The following PHF21B variants were observed in gnomAD, a reference collection of about 807,000 sequenced individuals.
The protein encoded by PHF21B is PHD finger protein 4.
A neutral mutation model predicts 62.2 loss-of-function variants in PHF21B; 22 were observed. The observed-to-expected ratio is 0.35, with a 90% CI of 0.25 to 0.51. The LOEUF (loss-of-function observed/expected upper bound fraction) is 0.51. Among genes scored for constraint, PHF21B ranks in the 20% least tolerant of loss-of-function variants. The pLI, the probability that PHF21B is intolerant of heterozygous loss-of-function variation, is 0.97. For synonymous variants in PHF21B, 341 were observed against 314.7 expected (o/e 1.08, Z -0.88); for missense variants, 701 against 707.9 (o/e 0.99, Z 0.11).
Position 45,009,023 on chromosome 22 carries a change from C to A in PHF21B, c.55-413G>T. Reference sequence around the variant, plus strand: ...AAGTCGCGTCCTAATCTCCCCAACACACACACGCGCACGCCGAGCCCCGCT... The same window carrying A: ...AAGTCGCGTCCTAATCTCCCCAACAAACACACGCGCACGCCGAGCCCCGCT... On this transcript the variant is annotated intron_variant, in intron 1 of 12. Coordinates refer to ENST00000313237, the MANE Select transcript of PHF21B (RefSeq NM_138415.5). This position sits in a 1 kb window ranked among gnomAD's most constrained non-coding sequence, Gnocchi z 5.9. 1 of 1,128,992 alleles carries A rather than the reference C, an allele frequency of 8.9e-7. No homozygotes were observed. Among genetic ancestry groups the A allele is most frequent in the Non-Finnish European group, 1.1e-6 (1 of 922,644 alleles). The allele number at this position is 1,128,992 out of a possible 1,614,324, so 69.9% of individuals were successfully genotyped here. A position where few individuals can be genotyped will look rare whatever the true frequency, so the allele number is the denominator to read the frequency against.
chr22:44,915,054 C>T (rs151125861), intron 4 of PHF21B, among the ~76,000 whole-genome samples: 407 of 152,274 alleles, frequency 2.7e-3, no homozygotes, highest in Non-Finnish European at 5.0e-3. Context: ...TGGTGACTGT[C>T]TGATGAATTT....
At chr22:44,945,972 C>G (rs539877503) in intron 2 of PHF21B, among the ~76,000 whole-genome samples, 2 of 152,272 alleles carry the variant, frequency 1.3e-5, no homozygotes, top group East Asian at 3.9e-4. Flanking sequence ...CTGCCTCTTG[C>G]CCAAGTCACC....
In PHF21B at chr22:44,893,536, G is replaced by A; in HGVS notation, c.884-3C>T. On this transcript the variant is annotated splice_region_variant and splice_polypyrimidine_tract_variant and intron_variant, in intron 6 of 12. Coordinates refer to ENST00000313237, the MANE Select transcript of PHF21B (RefSeq NM_138415.5). ...CTCCTGTCGCTTGCTCTGGATTTCT[G>A]GAAAGGCACAGACACAGCAGTTACT... 6.3e-7 allele frequency: 1 copy of A among 1,596,802 alleles called. No individual in the cohort carries two copies. The highest frequency in any genetic ancestry group is 8.5e-7 in the Non-Finnish European group (1 of 1,171,516).
At chr22:44,945,627 TGATCGTGGGGACAGG>T (rs1283361854) in intron 2 of PHF21B, among the ~76,000 whole-genome samples, 2 of 151,704 alleles carry the variant, frequency 1.3e-5, no homozygotes, top group Admixed American at 6.6e-5. Context: ...CAGAAGGGCC[TGATCGTGGGGACAGG>T]GAGTGATAGG....
chr22:44,897,292 G>A (rs1020741829), intron 5 of PHF21B, among the ~76,000 whole-genome samples: 3 of 152,000 alleles, frequency 2.0e-5, no homozygotes, highest in East Asian at 1.9e-4. Context: ...AATGGCCCCC[G>A]AGCCCCTACC....
chr22:44,968,714 G>T (rs992748899), intron 2 of PHF21B, among the ~76,000 whole-genome samples: 8 of 151,430 alleles, frequency 5.3e-5, no homozygotes, highest in Non-Finnish European at 8.8e-5. Flanking sequence ...TATTTTGAAG[G>T]ACTTGCATTA....
At chr22:44,947,636 G>A (rs907389975) in intron 2 of PHF21B, among the ~76,000 whole-genome samples, 9 of 152,198 alleles carry the variant, frequency 5.9e-5, no homozygotes, top group East Asian at 5.8e-4. Flanking sequence ...CCTTCCACGC[G>A]GACCCTGTGG....
intron 2 of PHF21B, among the ~76,000 whole-genome samples, chr22:44,985,698 T>G (rs2072932882): frequency 6.6e-6 from 1 of 152,186 alleles, no homozygotes; most frequent in South Asian, 2.1e-4. Flanking sequence ...CACAGGGATG[T>G]GTTGTGATGG....
At chr22:44,897,308 G>T (rs959558424) in intron 5 of PHF21B, among the ~76,000 whole-genome samples, 1 of 152,164 alleles carries the variant, frequency 6.6e-6, no homozygotes, top group South Asian at 2.1e-4. Flanking sequence ...CTACCCTGCG[G>T]TGTAGCCACC....
At chr22:44,920,095 T>C (rs558801419) in intron 3 of PHF21B, among the ~76,000 whole-genome samples, 1 of 152,374 alleles carries the variant, frequency 6.6e-6, no homozygotes, top group East Asian at 1.9e-4. Context: ...CAAGAAACAA[T>C]GCATAGGATG....
At chr22:44,947,360 G>A (rs963204292) in intron 2 of PHF21B, among the ~76,000 whole-genome samples, 1 of 152,344 alleles carries the variant, frequency 6.6e-6, no homozygotes, top group Non-Finnish European at 1.5e-5. Flanking sequence ...TAAGCAGACC[G>A]ACGCATGGGC....
intron 12 of PHF21B, among the ~76,000 whole-genome samples, chr22:44,884,307 A>T (rs952649938): frequency 2.5e-5 from 3 of 118,728 alleles, no homozygotes; most frequent in Non-Finnish European, 3.6e-5. Flanking sequence ...CACCACCACC[A>T]TCACTGTGAT....
At chr22:44,931,642 G>C (rs1329315690) in intron 2 of PHF21B, among the ~76,000 whole-genome samples, 1 of 137,192 alleles carries the variant, frequency 7.3e-6, no homozygotes, top group Non-Finnish European at 1.5e-5. Flanking sequence ...TGTGATCTTG[G>C]GGGGGGGGTG....
chr22:45,007,852 C>A (rs1037214139), intron 2 of PHF21B, among the ~76,000 whole-genome samples: 1 of 151,436 alleles, frequency 6.6e-6, no homozygotes, highest in Non-Finnish European at 1.5e-5. Flanking sequence ...ACCCCGAGCG[C>A]TGAGCTCAGC....
chr22:44,991,378 T>C (rs1365257747), intron 2 of PHF21B, among the ~76,000 whole-genome samples: 1 of 152,098 alleles, frequency 6.6e-6, no homozygotes, highest in East Asian at 1.9e-4. Flanking sequence ...AAACCCACTG[T>C]GTGTGGTGGT....
At chr22:44,893,900 G>C (rs1290865629) in intron 6 of PHF21B, among the ~76,000 whole-genome samples, 2 of 152,254 alleles carry the variant, frequency 1.3e-5, no homozygotes, top group Non-Finnish European at 2.9e-5. Context: ...CTGGTCCAGT[G>C]AGCTGCAGGG....
At chr22:44,908,109 C>T (rs1461476017) in intron 5 of PHF21B, among the ~76,000 whole-genome samples, 1 of 152,202 alleles carries the variant, frequency 6.6e-6, no homozygotes, top group African/African-American at 2.4e-5. Context: ...CTGAGCGGTT[C>T]GGGTCCTGAG....
At chr22:44,906,595 G>T (rs2071254622) in intron 5 of PHF21B, among the ~76,000 whole-genome samples, 1 of 152,242 alleles carries the variant, frequency 6.6e-6, no homozygotes, top group Non-Finnish European at 1.5e-5. Flanking sequence ...CTGCAGCTCT[G>T]TCCTAAGGCA....
intron 2 of PHF21B, among the ~76,000 whole-genome samples, chr22:44,981,948 G>A (rs901166438): frequency 2.6e-5 from 4 of 152,216 alleles, no homozygotes; most frequent in African/African-American, 7.2e-5. Context: ...AAAGGGGCTC[G>A]TGCCACCCTA....
Sources: allele counts gnomAD v4.1 joint callset (sites outside exome capture counted in the v4.1 genomes callset), GRCh38; gene constraint gnomAD v4.1.1; non-coding constraint Gnocchi (gnomAD v3.1); transcripts MANE v1.5; gene names NCBI Gene and HGNC (gene_info 2026-07-23, HGNC 2026-07-21).